RCAN2: variants seen among roughly 807,000 people sequenced by gnomAD.
The protein encoded by RCAN2 is calcipressin-2.
Under a neutral mutation model 23.6 loss-of-function variants are expected in RCAN2, and 9 were observed. The observed-to-expected ratio is 0.38, with a 90% CI of 0.23 to 0.67. The LOEUF is 0.67. Ranked by LOEUF, RCAN2 falls within the 30% of genes least tolerant of loss-of-function variation. The pLI is 0.51. For synonymous variants in RCAN2, 109 were observed against 115.7 expected, an observed-to-expected ratio of 0.94 and a Z score of 0.37; for missense variants, 273 against 302.3, an observed-to-expected ratio of 0.90 and a Z score of 0.72.
At chr6:46,388,287 TA>T (rs1296305039) in intron 2 of RCAN2, among the ~76,000 whole-genome samples, 3 of 151,360 alleles carry the variant, frequency 2.0e-5, no homozygotes, top group Non-Finnish European at 2.9e-5. Context: ...AAATAAATTT[TA>T]AAAAAAAGAA....
intron 4 of RCAN2, among the ~76,000 whole-genome samples, chr6:46,227,439 ATCAATTATTGCC>A (rs1324448101): frequency 1.3e-5 from 2 of 152,170 alleles, no homozygotes; most frequent in African/African-American, 4.8e-5. Flanking sequence ...TTCGTAGGCT[ATCAATTATTGCC>A]TCAATTTCAG....
chr6:46,414,930 G>C (rs190858371), intron 2 of RCAN2, among the ~76,000 whole-genome samples: 9 of 152,212 alleles, frequency 5.9e-5, no homozygotes, highest in Non-Finnish European at 4.4e-5. Context: ...GCACTGTATG[G>C]AGAAGTGAAG....
chr6:46,258,139 C>T (rs1435944324), intron 2 of RCAN2, among the ~76,000 whole-genome samples: 1 of 152,220 alleles, frequency 6.6e-6, no homozygotes, highest in African/African-American at 2.4e-5. Flanking sequence ...CTACTAGAAA[C>T]TGCCAAAGAG....
intron 4 of RCAN2, 56 bp from the exon 5 acceptor site, chr6:46,223,357 T>C: frequency 6.5e-7 from 1 of 1,532,938 alleles, no homozygotes. Flanking sequence ...AAAGAGATCC[T>C]GGAGCAGGGT....
intron 2 of RCAN2, among the ~76,000 whole-genome samples, chr6:46,292,441 T>C (rs1561845751): frequency 7.1e-6 from 1 of 141,114 alleles, no homozygotes; most frequent in Non-Finnish European, 1.6e-5. Context: ...TTTTTTTGTT[T>C]TTTTTTTTGG....
chr6:46,224,666 G>C (rs909410791), intron 4 of RCAN2, among the ~76,000 whole-genome samples: 1 of 152,184 alleles, frequency 6.6e-6, no homozygotes, highest in African/African-American at 2.4e-5. Context: ...CTCAGTCTAA[G>C]TGCCTCCACT....
rs188802221 is a variant in RCAN2 at position 46,444,464 on chromosome 6, C to G, written c.225+12288G>C. Reference sequence around the variant, plus strand: ...TTCTTTATTTCCAAAAGACATGAGCCCCCCACAGCTCTAGTCATCATGCTG... The same window carrying G: ...TTCTTTATTTCCAAAAGACATGAGCGCCCCACAGCTCTAGTCATCATGCTG... On this transcript the variant is annotated intron_variant, in intron 2 of 4. Transcript: ENST00000371374. Among the ~76,000 whole-genome samples the G allele has an allele frequency of 2.0e-3, 298 of 152,240 alleles. 2 individuals are homozygous for G. The highest frequency in any genetic ancestry group is 6.8e-3 in the African/African-American group (283 of 41,530).
chr6:46,315,911 AGACAAGAAAAGAG>A (rs1763419772), intron 2 of RCAN2, among the ~76,000 whole-genome samples: 2 of 10,152 alleles, frequency 2.0e-4, no homozygotes, highest in Non-Finnish European at 8.7e-4. Flanking sequence ...AGTTTGGAAG[AGACAAGAAAAGAG>A]GTTTGGAAGA....
intron 2 of RCAN2, among the ~76,000 whole-genome samples, chr6:46,255,385 C>T (rs1281266851): frequency 1.3e-5 from 2 of 152,080 alleles, no homozygotes; most frequent in Non-Finnish European, 2.9e-5. Flanking sequence ...AGGAGTATCA[C>T]ATTCAACTGA....
intron 2 of RCAN2, among the ~76,000 whole-genome samples, chr6:46,427,820 T>C (rs1039143578): frequency 1.3e-5 from 2 of 152,258 alleles, no homozygotes; most frequent in Non-Finnish European, 2.9e-5. Flanking sequence ...GCAGACATTG[T>C]CTGTTGATTC....
intron 2 of RCAN2, among the ~76,000 whole-genome samples, chr6:46,328,800 G>A (rs1176182401): frequency 1.3e-5 from 2 of 152,156 alleles, no homozygotes; most frequent in African/African-American, 4.8e-5. Flanking sequence ...TAGAAGAGAT[G>A]GGGTTTCACC....
intron 4 of RCAN2, among the ~76,000 whole-genome samples, chr6:46,231,482 T>C (rs1303306941): frequency 6.6e-6 from 1 of 151,778 alleles, no homozygotes; most frequent in Non-Finnish European, 1.5e-5. Flanking sequence ...TGATCTCAGC[T>C]CACTGCAACC....
intron 4 of RCAN2, among the ~76,000 whole-genome samples, chr6:46,224,172 A>G (rs1256717584): frequency 6.6e-6 from 1 of 152,152 alleles, no homozygotes; most frequent in Non-Finnish European, 1.5e-5. Context: ...ATCTGGGTCT[A>G]AAAGACAAGC....
intron 2 of RCAN2, among the ~76,000 whole-genome samples, chr6:46,289,295 G>A (rs952260720): frequency 6.6e-6 from 1 of 152,160 alleles, no homozygotes; most frequent in Non-Finnish European, 1.5e-5. Flanking sequence ...GAACTGCAAC[G>A]AACTAGAAAG....
rs998390352 is a variant in RCAN2, at chr6:46,273,050, A to G, written c.226-24154T>C. Among the ~76,000 whole-genome samples the G allele has an allele frequency of 5.3e-5, 8 of 152,164 alleles. 1 individual carries two copies. Among genetic ancestry groups the G allele is most frequent in the Admixed American group, 3.3e-4 (5 of 15,274 alleles). ...CCTGTCCTGCCTTATATAAGCCTTC[A>G]TGGACCTTAGCTATGTCTGTGTTTG... On this transcript the variant is annotated intron_variant, in intron 2 of 4. Coordinates refer to ENST00000371374, the MANE Select transcript of RCAN2 (RefSeq NM_001251974.2).
intron 2 of RCAN2, among the ~76,000 whole-genome samples, chr6:46,297,931 G>T (rs1762772905): frequency 6.6e-6 from 1 of 152,124 alleles, no homozygotes; most frequent in Admixed American, 6.6e-5. Flanking sequence ...TCTTTCTAAA[G>T]AGGAGAGAAA....
In RCAN2 at chr6:46,222,943, G is replaced by A; in HGVS notation, c.*198C>T. The stretch of plus-strand genomic sequence containing the variant: ...TTTCCCTAGAACCTTCTAAATAATG[G>A]GTTATACTTAATGGGTATGATATGA... On this transcript the variant is annotated 3_prime_UTR_variant, in exon 5 of 5. Coordinates refer to ENST00000371374, the MANE Select transcript of RCAN2 (RefSeq NM_001251974.2). 1 of 596,096 alleles carries A rather than the reference G, an allele frequency of 1.7e-6. No individual in the cohort carries two copies. Among genetic ancestry groups the A allele is most frequent in the Non-Finnish European group, 3.0e-6 (1 of 333,884 alleles). The allele number at this position is 596,096 out of a possible 1,614,324, so 36.9% of individuals were successfully genotyped here.
chr6:46,298,717 T>G (rs926024441), intron 2 of RCAN2, among the ~76,000 whole-genome samples: 2 of 151,978 alleles, frequency 1.3e-5, no homozygotes, highest in Non-Finnish European at 2.9e-5. Flanking sequence ...TCAAGGAACT[T>G]AAAACAGAAC....
chr6:46,246,842 G>C lies in RCAN2; in HGVS notation c.477C>G (p.Pro159=). The C allele has an allele frequency of 6.2e-7, 1 of 1,613,046 alleles. No homozygotes were observed. Among genetic ancestry groups the C allele is most frequent in the East Asian group, 2.2e-5 (1 of 44,820 alleles). The change falls in exon 4 of 5, where the codon CCC becomes CCG. Residue 159 remains proline (P), a synonymous_variant. Transcript: ENST00000371374. ...PQPAKQFLIS[P]PSSPPVGWQP... ...GCCAGCCAACAGGTGGGGAGGAAGG[G>C]GGCGAGATGAGAAACTGTTTGGCAG...
Sources: allele counts gnomAD v4.1 joint callset (sites outside exome capture counted in the v4.1 genomes callset), GRCh38; gene constraint gnomAD v4.1.1; transcripts MANE v1.5; gene names NCBI Gene and HGNC (gene_info 2026-07-23, HGNC 2026-07-21).